The following BTBD9 variants were observed in gnomAD, a reference collection of about 807,000 sequenced individuals.
The protein encoded by BTBD9 is BTB domain containing 9.
In BTBD9, 49 loss-of-function variants were observed where a neutral mutation model predicts 64.3. The ratio of observed to expected loss-of-function variants is 0.76; its 90% confidence interval spans 0.61 to 0.97. The LOEUF (loss-of-function observed/expected upper bound fraction) is 0.97, where lower values mean the gene tolerates loss of function less well. BTBD9 is among the 50% of genes least tolerant of loss of function. BTBD9 has a pLI of 0.00. For missense variants in BTBD9, 598 were observed against 762.1 expected (o/e 0.78, Z 2.53); for synonymous variants, 260 against 274.7 (o/e 0.95, Z 0.53).
chr6:38,389,165 A>G (rs1766305227), intron 6 of BTBD9, among the ~76,000 whole-genome samples: 1 of 152,220 alleles, frequency 6.6e-6, no homozygotes, highest in African/African-American at 2.4e-5. Flanking sequence ...TTTTAAAGAC[A>G]TATATTATAT....
In BTBD9 at chr6:38,592,430, G is replaced by A. The variant is rs559743817; in HGVS notation, c.814+146C>T. On this transcript the variant is annotated intron_variant, in intron 4 of 10. Transcript: ENST00000481247. ...GAGGAATTAACAGGAAAATGAAAGGGAAAGACATTCCATAGGCTAGCTGTT... is the reference window on the plus strand; with the variant it reads ...GAGGAATTAACAGGAAAATGAAAGGAAAAGACATTCCATAGGCTAGCTGTT... 330 of 864,522 alleles carry A rather than the reference G, an allele frequency of 3.8e-4. 2 individuals are homozygous for A. The African/African-American group carries it at 4.5e-3, about 12-fold the overall frequency. 53.6% of individuals were successfully genotyped at this position (864,522 alleles called of 1,614,324 possible). A position where few individuals can be genotyped will look rare whatever the true frequency, so the allele number is the denominator to read the frequency against.
chr6:38,256,645 T>A, intron 8 of BTBD9, 129 bp from the exon 9 acceptor site: 1 of 624,620 alleles, frequency 1.6e-6, no homozygotes, highest in Non-Finnish European at 2.8e-6. Flanking sequence ...AGAAGGTGAA[T>A]CCCAAAAAAG....
chr6:38,569,717 T>C (rs11969592), intron 6 of BTBD9, among the ~76,000 whole-genome samples: 2,463 of 152,276 alleles, frequency 0.016, 68 homozygotes, highest in African/African-American at 0.055. Context: ...TTGGATTCAA[T>C]TGAATAACTT....
chr6:38,340,977 T>G (rs1453608256), intron 7 of BTBD9, among the ~76,000 whole-genome samples: 2 of 152,196 alleles, frequency 1.3e-5, no homozygotes, highest in African/African-American at 4.8e-5. Context: ...ATAAACATGC[T>G]AAATGTTACC....
intron 6 of BTBD9, among the ~76,000 whole-genome samples, chr6:38,412,498 C>T (rs1219479018): frequency 2.6e-5 from 4 of 151,546 alleles, no homozygotes; most frequent in Non-Finnish European, 4.4e-5. Context: ...GAGGGAGCAG[C>T]TGAAGTCTTA....
At chr6:38,354,081 G>A (rs1244512032) in intron 6 of BTBD9, among the ~76,000 whole-genome samples, 1 of 152,024 alleles carries the variant, frequency 6.6e-6, no homozygotes, top group East Asian at 1.9e-4. Context: ...TCTCCCCAAA[G>A]AAAAATCTAA....
intron 6 of BTBD9, among the ~76,000 whole-genome samples, chr6:38,483,246 C>T (rs1487853515): frequency 6.6e-6 from 1 of 152,046 alleles, no homozygotes; most frequent in Non-Finnish European, 1.5e-5. Flanking sequence ...TGAAATGGCT[C>T]TTAAAGGACG....
At chr6:38,278,343 A>G (rs1761369973) in intron 8 of BTBD9, among the ~76,000 whole-genome samples, 1 of 152,250 alleles carries the variant, frequency 6.6e-6, no homozygotes, top group African/African-American at 2.4e-5. Flanking sequence ...TCTTAATGAG[A>G]TTATTTGTTA....
intron 9 of BTBD9, among the ~76,000 whole-genome samples, chr6:38,223,203 G>A (rs933844794): frequency 6.6e-6 from 1 of 152,150 alleles, no homozygotes; most frequent in Non-Finnish European, 1.5e-5. Context: ...CACTACGCCC[G>A]GCCTAGAGGA....
chr6:38,322,754 G>C (rs571986118), intron 7 of BTBD9, among the ~76,000 whole-genome samples: 1 of 152,144 alleles, frequency 6.6e-6, no homozygotes, highest in Admixed American at 6.5e-5. Flanking sequence ...TGTCACAAAT[G>C]TAAAGCACTG....
At chr6:38,445,734 T>G (rs1273680736) in intron 6 of BTBD9, among the ~76,000 whole-genome samples, 2 of 152,012 alleles carry the variant, frequency 1.3e-5, no homozygotes, top group Non-Finnish European at 2.9e-5. Flanking sequence ...AAAGAAAAAA[T>G]GTCATCATCA....
At chr6:38,235,568 G>T (rs146972882) in intron 9 of BTBD9, among the ~76,000 whole-genome samples, 233 of 152,248 alleles carry the variant, frequency 1.5e-3, no homozygotes, top group African/African-American at 5.3e-3. Flanking sequence ...AGATAGGGAG[G>T]GGTCAGTGAC....
chr6:38,257,850 T>C lies in BTBD9; in HGVS notation c.1455-1334A>G, dbSNP rs1008968993. On this transcript the variant is annotated intron_variant, in intron 8 of 10. Coordinates refer to ENST00000481247, the MANE Select transcript of BTBD9 (RefSeq NM_001099272.2). ...TAGGAAAGGGTAAAAGGGAACTTTC[T>C]AGAATACTGGAAAAGTGCTATTTTT... Among the ~76,000 whole-genome samples the C allele has an allele frequency of 2.0e-5, 3 of 152,252 alleles. No homozygotes were observed. In the Middle Eastern group the frequency reaches 0.01, roughly 518 times the overall value.
At chr6:38,438,406 T>C (rs972986248) in intron 6 of BTBD9, among the ~76,000 whole-genome samples, 1 of 152,194 alleles carries the variant, frequency 6.6e-6, no homozygotes, top group African/African-American at 2.4e-5. Context: ...GTATAGCTGA[T>C]AGTTTTTCAG....
intron 6 of BTBD9, among the ~76,000 whole-genome samples, chr6:38,556,538 TGTGTGTGTGTGTGAGAGA>T (rs1407131423): frequency 1.5e-4 from 8 of 54,176 alleles, no homozygotes; most frequent in African/African-American, 6.2e-4. Context: ...TGTGTGTGTG[TGTGTGTGTGTGTGAGAGA>T]GAGAGAGAGA....
At chr6:38,374,294 T>TATACATATATATATATATATATAC (rs1282896109) in intron 6 of BTBD9, among the ~76,000 whole-genome samples, 2 of 80,410 alleles carry the variant, frequency 2.5e-5, no homozygotes, top group African/African-American at 1.5e-4. Flanking sequence ...TATATATATA[T>TATACATATATATATATATATATAC]ATGTATATAT....
chr6:38,540,951 C>A (rs1194946868), intron 6 of BTBD9, among the ~76,000 whole-genome samples: 1 of 152,236 alleles, frequency 6.6e-6, no homozygotes, highest in East Asian at 1.9e-4. Context: ...TTATACACAG[C>A]ATCACCTTCC....
chr6:38,258,876 C>T (rs184646645), intron 8 of BTBD9, among the ~76,000 whole-genome samples: 69 of 152,136 alleles, frequency 4.5e-4, no homozygotes, highest in South Asian at 2.5e-3. Context: ...GGCCACAGCG[C>T]GAGATTCTGT....
chr6:38,276,265 C>T (rs139934624), intron 8 of BTBD9, among the ~76,000 whole-genome samples: 7,336 of 150,708 alleles, frequency 0.049, 454 homozygotes, highest in East Asian at 0.28. Context: ...AACCAAACAC[C>T]GCATGTTCTC....
Sources: gnomAD v4.1 joint callset for allele counts (sites outside exome capture counted in the v4.1 genomes callset) on GRCh38, gnomAD v4.1.1 for gene constraint, MANE v1.5 for transcripts, NCBI Gene and HGNC (gene_info 2026-07-23, HGNC 2026-07-21) for gene names.